LRMDA: variants seen among roughly 807,000 people sequenced by gnomAD.
The protein encoded by LRMDA is leucine rich melanocyte differentiation associated.
Under a neutral mutation model 29.8 loss-of-function variants are expected in LRMDA, and 18 were observed. The observed-to-expected ratio is 0.60, with a 90% CI of 0.42 to 0.90. The LOEUF (loss-of-function observed/expected upper bound fraction) is 0.90. LRMDA is among the 40% of genes least tolerant of loss of function. LRMDA has a pLI of 0.00. For synonymous variants in LRMDA, 125 were observed against 109.4 expected, an observed-to-expected ratio of 1.14 and a Z score of -0.89; for missense variants, 273 against 273.9, an observed-to-expected ratio of 1.00 and a Z score of 0.02.
At chr10:76,106,402 A>T (rs1849485340) in intron 5 of LRMDA, among the ~76,000 whole-genome samples, 1 of 152,204 alleles carries the variant, frequency 6.6e-6, no homozygotes, top group Admixed American at 6.5e-5. Context: ...TAGCGTATGG[A>T]GAATGAACTC....
At chr10:76,444,715 T>C (rs913224364) in intron 6 of LRMDA, among the ~76,000 whole-genome samples, 31 of 152,022 alleles carry the variant, frequency 2.0e-4, no homozygotes, top group Non-Finnish European at 3.4e-4. Flanking sequence ...GAACCCAAGA[T>C]GGTGAGTAAT....
chr10:76,077,046 C>T (rs1345578722), intron 5 of LRMDA, among the ~76,000 whole-genome samples: 1 of 152,094 alleles, frequency 6.6e-6, no homozygotes, highest in Non-Finnish European at 1.5e-5. Flanking sequence ...TCTAGCTTGC[C>T]ACAGCTCTCA....
At chr10:75,675,937 G>A (rs1177820500) in intron 2 of LRMDA, among the ~76,000 whole-genome samples, 1 of 152,162 alleles carries the variant, frequency 6.6e-6, no homozygotes, top group African/African-American at 2.4e-5. Flanking sequence ...GTTCACACTG[G>A]CCAACTGTGG....
chr10:76,199,375 G>C (rs776463811), intron 5 of LRMDA, among the ~76,000 whole-genome samples: 1 of 152,252 alleles, frequency 6.6e-6, no homozygotes, highest in South Asian at 2.1e-4. Context: ...AGGAATTCCC[G>C]TTTCCTCCAT....
At chr10:76,534,737 T>C (rs917069536) in intron 6 of LRMDA, among the ~76,000 whole-genome samples, 2 of 152,186 alleles carry the variant, frequency 1.3e-5, no homozygotes, top group African/African-American at 4.8e-5. Flanking sequence ...GAAGCTGAAG[T>C]TTCTCATTGT....
At chr10:75,969,922 A>G (rs1333368363) in intron 2 of LRMDA, among the ~76,000 whole-genome samples, 3 of 152,188 alleles carry the variant, frequency 2.0e-5, no homozygotes, top group African/African-American at 4.8e-5. Context: ...TGGGATATCT[A>G]CTGTGTTTAT....
chr10:75,830,464 C>CACTAT (rs1564579962), intron 2 of LRMDA, among the ~76,000 whole-genome samples: 9 of 152,130 alleles, frequency 5.9e-5, no homozygotes, highest in African/African-American at 2.2e-4. Flanking sequence ...ACTTACAGTT[C>CACTAT]CATGTTGCTG....
chr10:75,859,422 A>G (rs1844881159), intron 2 of LRMDA, among the ~76,000 whole-genome samples: 1 of 152,216 alleles, frequency 6.6e-6, no homozygotes, highest in Non-Finnish European at 1.5e-5. Flanking sequence ...TGGGTATGAC[A>G]TGGTACATCT....
In LRMDA at chr10:76,245,089, C is replaced by T. The variant is rs187637049; in HGVS notation, c.517-79312C>T. 2.8e-3 allele frequency among the ~76,000 whole-genome samples: 429 copies of T among 152,278 alleles called. 3 individuals carry two copies. The highest frequency in any genetic ancestry group is 9.7e-3 in the African/African-American group (405 of 41,554). ...GATCCCCATGAGGTCAGTGTCCACC[C>T]ATGTAGCACATGTATTTTGTTTGGC... On this transcript the variant is annotated intron_variant, in intron 5 of 6. Transcript: ENST00000611255.
intron 2 of LRMDA, among the ~76,000 whole-genome samples, chr10:75,472,338 C>T (rs1335370853): frequency 6.6e-6 from 1 of 152,156 alleles, no homozygotes; most frequent in East Asian, 1.9e-4. Context: ...CATTATGTAC[C>T]AGGCACTGTC....
intron 2 of LRMDA, among the ~76,000 whole-genome samples, chr10:75,797,892 C>T (rs1483943255): frequency 6.6e-6 from 1 of 152,140 alleles, no homozygotes; most frequent in Non-Finnish European, 1.5e-5. Flanking sequence ...CAAATTGCTG[C>T]TAGACTGAAT....
chr10:75,523,992 G>A (rs1032049400), intron 2 of LRMDA, among the ~76,000 whole-genome samples: 14 of 152,110 alleles, frequency 9.2e-5, no homozygotes, highest in Non-Finnish European at 2.1e-4. Flanking sequence ...TCCGAGCTTT[G>A]GTTTTCTCAT....
intron 6 of LRMDA, among the ~76,000 whole-genome samples, chr10:76,388,559 A>C (rs544612452): frequency 3.9e-5 from 6 of 152,334 alleles, no homozygotes; most frequent in African/African-American, 1.4e-4. Flanking sequence ...TTGGATTTAC[A>C]TGAAAGTGCA....
chr10:76,343,086 A>T (rs143842311), intron 6 of LRMDA, among the ~76,000 whole-genome samples: 143 of 152,334 alleles, frequency 9.4e-4, no homozygotes, highest in Non-Finnish European at 1.7e-3. Flanking sequence ...TAAAGTGAAG[A>T]TGAGAAGAGA....
intron 5 of LRMDA, among the ~76,000 whole-genome samples, chr10:76,177,605 G>A (rs1850963520): frequency 6.6e-6 from 1 of 151,978 alleles, no homozygotes; most frequent in Non-Finnish European, 1.5e-5. Flanking sequence ...CTTTGAAAAT[G>A]GCTCCTTTTT....
At chr10:76,510,150 A>C (rs1453214962) in intron 6 of LRMDA, among the ~76,000 whole-genome samples, 1 of 152,082 alleles carries the variant, frequency 6.6e-6, no homozygotes, top group Admixed American at 6.5e-5. Flanking sequence ...GGCTCACTGC[A>C]ACCTCCGCCT....
intron 2 of LRMDA, among the ~76,000 whole-genome samples, chr10:75,487,866 G>A (rs1179497175): frequency 2.0e-5 from 3 of 152,224 alleles, no homozygotes; most frequent in Non-Finnish European, 4.4e-5. Flanking sequence ...AGCATCCTGA[G>A]TGGACTGGTA....
At chr10:75,754,857 A>G (rs1843011769) in intron 2 of LRMDA, among the ~76,000 whole-genome samples, 2 of 151,698 alleles carry the variant, frequency 1.3e-5, no homozygotes, top group Non-Finnish European at 2.9e-5. Flanking sequence ...CCTCACATCC[A>G]TCCACGGTCC....
At chr10:76,198,151 C>G in intron 5 of LRMDA, among the ~76,000 whole-genome samples, 1 of 152,194 alleles carries the variant, frequency 6.6e-6, no homozygotes, top group Admixed American at 6.5e-5. Flanking sequence ...GGTCACCCAC[C>G]TTGCAGTTAG....
Sources: gnomAD v4.1 joint callset for allele counts (sites outside exome capture counted in the v4.1 genomes callset) on GRCh38, gnomAD v4.1.1 for gene constraint, MANE v1.5 for transcripts, NCBI Gene and HGNC (gene_info 2026-07-23, HGNC 2026-07-21) for gene names.